The following TBC1D5 variants were observed in gnomAD, a reference collection of about 807,000 sequenced individuals.
TBC1D5 encodes the protein TBC1 domain family member 5, also known as TBC1 domain family, member 5.
In TBC1D5, 75 loss-of-function variants were observed where a neutral mutation model predicts 100.3. The observed-to-expected ratio is 0.75, with a 90% CI of 0.62 to 0.91. The LOEUF (loss-of-function observed/expected upper bound fraction) is 0.91, where lower values mean the gene tolerates loss of function less well. Among genes scored for constraint, TBC1D5 ranks in the 40% least tolerant of loss-of-function variants. The pLI is 0.00. For synonymous variants in TBC1D5, 323 were observed against 325.6 expected, an observed-to-expected ratio of 0.99 and a Z score of 0.09; for missense variants, 910 against 942.4, an observed-to-expected ratio of 0.97 and a Z score of 0.45.
At chr3:17,595,305 A>G (rs1359674273) in intron 2 of TBC1D5, among the ~76,000 whole-genome samples, 1 of 152,202 alleles carries the variant, frequency 6.6e-6, no homozygotes, top group Non-Finnish European at 1.5e-5. Flanking sequence ...AAATAAATTT[A>G]GAATTTGCCA....
intron 13 of TBC1D5, among the ~76,000 whole-genome samples, chr3:17,371,526 ACTT>A (rs1409309033): frequency 6.6e-6 from 1 of 152,170 alleles, no homozygotes; most frequent in African/African-American, 2.4e-5. Flanking sequence ...CTGAGCCTTA[ACTT>A]CTTCATCTCT....
At position 17,693,214 on chromosome 3, in the gene TBC1D5, C is replaced by T. The variant is rs964648911; in HGVS notation, c.-101+46129G>A. On this transcript the variant is annotated intron_variant, in intron 1 of 21. Coordinates refer to ENST00000253692, the Ensembl canonical transcript of TBC1D5. ...GCATTTCCAACTGAGGTACCTGGTT[C>T]ATCTCATTGGGACTGGTTGGACATT... 2.0e-5 allele frequency among the ~76,000 whole-genome samples: 3 copies of T among 152,344 alleles called. No homozygotes were observed. The East Asian group carries it at 5.8e-4, about 29-fold the overall frequency.
chr3:17,572,196 T>A (rs1015628439), intron 2 of TBC1D5, among the ~76,000 whole-genome samples: 1 of 151,532 alleles, frequency 6.6e-6, no homozygotes, highest in Non-Finnish European at 1.5e-5. Flanking sequence ...CCTAAGATTA[T>A]CCCCCAAGAA....
Position 17,699,958 on chromosome 3 carries a change from CT to C in TBC1D5, c.-101+39384del, listed in dbSNP as rs1289932491. 12 of 152,294 alleles carry C rather than the reference CT, an allele frequency of 7.9e-5. No individual in the cohort carries two copies. The East Asian group carries it at 2.1e-3, about 27-fold the overall frequency. 9.4% of individuals were successfully genotyped at this position (152,294 alleles called of 1,614,324 possible). On this transcript the variant is annotated intron_variant, in intron 1 of 21. Coordinates refer to ENST00000253692, the Ensembl canonical transcript of TBC1D5. ...GATCTGCAGTCAAATGCTCTGCCCCCTGAGATATACCCCCTTCACCTGTTAG... is the reference window on the plus strand; with the variant it reads ...GATCTGCAGTCAAATGCTCTGCCCCCGAGATATACCCCCTTCACCTGTTAG...
At chr3:17,401,261 T>C (rs1378980611) in intron 8 of TBC1D5, among the ~76,000 whole-genome samples, 1 of 148,750 alleles carries the variant, frequency 6.7e-6, no homozygotes, top group African/African-American at 2.5e-5. Flanking sequence ...AATATACATA[T>C]ATATGTATGT....
chr3:17,608,291 C>A lies in TBC1D5; in HGVS notation c.-36+15558G>T, dbSNP rs2061463444. Reference sequence around the variant, plus strand: ...AACAAAAAAGAGTAAGACACAGATGCCCATTATCATCACTTTTACTCAACT... The same window carrying A: ...AACAAAAAAGAGTAAGACACAGATGACCATTATCATCACTTTTACTCAACT... On this transcript the variant is annotated intron_variant, in intron 2 of 21. Coordinates refer to ENST00000253692, the Ensembl canonical transcript of TBC1D5. Among the ~76,000 whole-genome samples the A allele has an allele frequency of 2.6e-5, 4 of 151,990 alleles. No individual in the cohort carries two copies. The South Asian group carries it at 8.3e-4, about 32-fold the overall frequency.
intron 17 of TBC1D5, among the ~76,000 whole-genome samples, chr3:17,236,409 T>C (rs952055217): frequency 9.2e-5 from 14 of 152,204 alleles, no homozygotes; most frequent in Admixed American, 7.9e-4. Flanking sequence ...ATTTACAATA[T>C]GCTAATGCTT....
At chr3:17,496,938 T>C (rs1452330353) in intron 3 of TBC1D5, among the ~76,000 whole-genome samples, 1 of 152,120 alleles carries the variant, frequency 6.6e-6, no homozygotes, top group East Asian at 1.9e-4. Flanking sequence ...ACTAGTCCCA[T>C]CCTGTGTCAT....
chr3:17,313,574 AT>A (rs1443963061), intron 13 of TBC1D5, among the ~76,000 whole-genome samples: 1 of 152,144 alleles, frequency 6.6e-6, no homozygotes, highest in Non-Finnish European at 1.5e-5. Context: ...GTCTGACTTT[AT>A]TTTTTGAAAC....
At chr3:17,705,952 C>G (rs1365208910) in intron 1 of TBC1D5, 3 of 1,306,990 alleles carry the variant, frequency 2.3e-6, no homozygotes, top group Non-Finnish European at 3.1e-6. Flanking sequence ...GCCGCTGCCT[C>G]CCGGGCGGCG....
At chr3:17,525,394 G>C in intron 2 of TBC1D5, among the ~76,000 whole-genome samples, 1 of 152,134 alleles carries the variant, frequency 6.6e-6, no homozygotes, top group Non-Finnish European at 1.5e-5. Flanking sequence ...GCCTCCCAAA[G>C]TGCTGGGATT....
chr3:17,703,726 AACAG>A (rs1393541726), intron 1 of TBC1D5, among the ~76,000 whole-genome samples: 1 of 152,150 alleles, frequency 6.6e-6, no homozygotes, highest in East Asian at 1.9e-4. Flanking sequence ...TAAATGCCAC[AACAG>A]ACAATGACCT....
At chr3:17,266,844 T>C (rs542035395) in intron 15 of TBC1D5, among the ~76,000 whole-genome samples, 39 of 152,108 alleles carry the variant, frequency 2.6e-4, no homozygotes, top group South Asian at 4.1e-4. Context: ...CTTAGGGCAA[T>C]TGATAGAAAA....
chr3:17,549,988 C>G (rs1457040515), intron 2 of TBC1D5, among the ~76,000 whole-genome samples: 1 of 151,080 alleles, frequency 6.6e-6, no homozygotes, highest in Admixed American at 6.6e-5. Context: ...TGAATGGCTT[C>G]CTACTATCCT....
At chr3:17,438,146 G>A (rs543970895) in intron 3 of TBC1D5, among the ~76,000 whole-genome samples, 7 of 152,274 alleles carry the variant, frequency 4.6e-5, no homozygotes, top group South Asian at 2.1e-4. Flanking sequence ...GCACCTTTTC[G>A]AGAAAGAGTT....
chr3:17,237,574 A>T (rs984970328), intron 17 of TBC1D5, among the ~76,000 whole-genome samples: 7 of 152,212 alleles, frequency 4.6e-5, no homozygotes, highest in African/African-American at 9.6e-5. Context: ...TATGGATTGG[A>T]TGATCTCCCA....
intron 2 of TBC1D5, among the ~76,000 whole-genome samples, chr3:17,613,996 T>A (rs1463174428): frequency 1.3e-5 from 2 of 152,154 alleles, no homozygotes; most frequent in African/African-American, 4.8e-5. Flanking sequence ...CCTAGGTTTT[T>A]TCTAGAGTTT....
At chr3:17,455,311 A>AATATGTGT (rs1456680226) in intron 3 of TBC1D5, among the ~76,000 whole-genome samples, 1 of 131,334 alleles carries the variant, frequency 7.6e-6, no homozygotes, top group Non-Finnish European at 1.5e-5. Context: ...TATATATGTA[A>AATATGTGT]ATATGTGTAT....
At chr3:17,357,073 TC>T (rs1455077734) in intron 13 of TBC1D5, among the ~76,000 whole-genome samples, 2 of 152,164 alleles carry the variant, frequency 1.3e-5, no homozygotes, top group African/African-American at 4.8e-5. Context: ...AAAAAACTCT[TC>T]CCATGTTTTA....
Sources: gnomAD v4.1 joint callset for allele counts (sites outside exome capture counted in the v4.1 genomes callset) on GRCh38, gnomAD v4.1.1 for gene constraint, MANE v1.5 for transcripts, NCBI Gene and HGNC (gene_info 2026-07-23, HGNC 2026-07-21) for gene names.